MACROD2: variants seen among roughly 807,000 people sequenced by gnomAD.
MACROD2 encodes ADP-ribose glycohydrolase MACROD2.
In MACROD2, 36 loss-of-function variants were observed where a neutral mutation model predicts 70.4. The observed-to-expected ratio is 0.51, with a 90% CI of 0.39 to 0.68. The LOEUF is 0.68. Ranked by LOEUF, MACROD2 falls within the 30% of genes least tolerant of loss-of-function variation. The pLI is 0.00. For synonymous variants in MACROD2, 172 were observed against 178.8 expected (o/e 0.96, Z 0.30); for missense variants, 496 against 538.4 (o/e 0.92, Z 0.78).
intron 5 of MACROD2, among the ~76,000 whole-genome samples, chr20:15,038,991 G>A (rs907117024): frequency 5.9e-5 from 9 of 152,300 alleles, no homozygotes; most frequent in African/African-American, 1.9e-4. Context: ...GGGCAAAGAA[G>A]TGATACTTTT....
intron 4 of MACROD2, among the ~76,000 whole-genome samples, chr20:14,513,716 C>A (rs1487031275): frequency 6.6e-6 from 1 of 151,994 alleles, no homozygotes; most frequent in Non-Finnish European, 1.5e-5. Flanking sequence ...GTTTAGATGG[C>A]TCCCATATGA....
chr20:15,184,309 CT>C (rs2076520296), intron 5 of MACROD2, among the ~76,000 whole-genome samples: 1 of 152,144 alleles, frequency 6.6e-6, no homozygotes, highest in South Asian at 2.1e-4. Flanking sequence ...GTAAATCTAA[CT>C]CATGTCATCC....
At chr20:14,372,629 G>GT (rs1237315994) in intron 3 of MACROD2, among the ~76,000 whole-genome samples, 1 of 151,978 alleles carries the variant, frequency 6.6e-6, no homozygotes, top group Non-Finnish European at 1.5e-5. Flanking sequence ...TCCTCTCACC[G>GT]TTACCCCCAG....
Position 15,986,749 on chromosome 20 carries a change from G to T in MACROD2, c.1008G>T (p.Lys336Asn). The stretch of plus-strand genomic sequence containing the variant: ...CAGGACAAGAGAATGATTCAACGAA[G>T]AATGAAATAAAAATTGAAACAGAAT... Reference protein sequence around the residue: ...HPDGQENDSTKNEIKIETESQ... With the variant: ...HPDGQENDSTNNEIKIETESQ... The change falls in exon 14 of 18, where the codon AAG becomes AAT. Residue 336 changes from lysine (K) to asparagine (N), a missense_variant. Physicochemically the swap from Lys to Asn is moderately conservative, Grantham distance 94. Coordinates refer to ENST00000684519, the MANE Select transcript of MACROD2 (RefSeq NM_001351661.2). 4 of 1,613,344 alleles carry T rather than the reference G, an allele frequency of 2.5e-6. No homozygotes were observed. The highest frequency in any genetic ancestry group is 3.4e-6 in the Non-Finnish European group (4 of 1,179,376).
chr20:15,621,551 C>G (rs1011874455), intron 8 of MACROD2, among the ~76,000 whole-genome samples: 2 of 152,178 alleles, frequency 1.3e-5, no homozygotes, highest in Non-Finnish European at 2.9e-5. Context: ...CAATTAATTT[C>G]TCTCCAGATG....
chr20:15,901,864 T>C (rs1316403005), intron 10 of MACROD2, among the ~76,000 whole-genome samples: 1 of 152,210 alleles, frequency 6.6e-6, no homozygotes, highest in Non-Finnish European at 1.5e-5. Context: ...TTGGTCCTCA[T>C]GGTCCCTTGA....
chr20:15,786,397 A>G (rs2051928051), intron 8 of MACROD2, among the ~76,000 whole-genome samples: 1 of 152,214 alleles, frequency 6.6e-6, no homozygotes, highest in African/African-American at 2.4e-5. Flanking sequence ...AAGGCATTAT[A>G]ATATTGAAGT....
chr20:14,002,453 A>G (rs763984840), intron 2 of MACROD2, 49 bp downstream of exon 2: 4 of 1,096,618 alleles, frequency 3.6e-6, no homozygotes, highest in Non-Finnish European at 5.4e-6. Context: ...CCATTTTAGG[A>G]CAATTGTTGA....
intron 15 of MACROD2, among the ~76,000 whole-genome samples, chr20:16,002,565 T>G (rs796349121): frequency 5.9e-5 from 9 of 152,244 alleles, no homozygotes; most frequent in African/African-American, 2.2e-4. Context: ...CATGCTATGC[T>G]GCTGGCTTTG....
At chr20:15,163,848 G>A (rs540516293) in intron 5 of MACROD2, among the ~76,000 whole-genome samples, 16 of 152,104 alleles carry the variant, frequency 1.1e-4, no homozygotes, top group African/African-American at 3.6e-4. Flanking sequence ...AAAGTCCAAT[G>A]TATTTCATAT....
rs371242430 is a variant in MACROD2, at chr20:15,866,403, T to TATAA, written c.727+3597_727+3600dup. On this transcript the variant is annotated intron_variant, in intron 9 of 17. Coordinates refer to ENST00000684519, the MANE Select transcript of MACROD2 (RefSeq NM_001351661.2). Reference sequence around the variant, plus strand: ...GAAGCAAGACCCCATCTCTAAAAAATATAAATAAATAAATAAATAAATATT... The same window carrying TATAA: ...GAAGCAAGACCCCATCTCTAAAAAATATAAATAAATAAATAAATAAATAAATATT... 7.6e-3 allele frequency among the ~76,000 whole-genome samples: 1,127 copies of TATAA among 148,632 alleles called. 14 individuals are homozygous for TATAA. The highest frequency in any genetic ancestry group is 0.025 in the African/African-American group (1,025 of 40,316).
chr20:15,207,057 T>G (rs2076714996), intron 5 of MACROD2, among the ~76,000 whole-genome samples: 1 of 152,162 alleles, frequency 6.6e-6, no homozygotes. Flanking sequence ...TGTTGTCACA[T>G]GTATCAATGT....
At chr20:15,607,202 A>C (rs551325083) in intron 8 of MACROD2, among the ~76,000 whole-genome samples, 2 of 152,202 alleles carry the variant, frequency 1.3e-5, no homozygotes, top group Non-Finnish European at 2.9e-5. Flanking sequence ...CTGAAATAAC[A>C]TGTCAGAGGC....
intron 8 of MACROD2, among the ~76,000 whole-genome samples, chr20:15,533,588 A>C (rs932421322): frequency 4.2e-5 from 6 of 142,928 alleles, no homozygotes; most frequent in African/African-American, 1.3e-4. Flanking sequence ...TCTCTTTTTA[A>C]GAAGAAACTC....
chr20:14,090,435 C>T (rs1379468979), intron 3 of MACROD2, among the ~76,000 whole-genome samples: 5 of 151,834 alleles, frequency 3.3e-5, no homozygotes, highest in African/African-American at 1.2e-4. Flanking sequence ...TAGCTGGGCA[C>T]GGTGGCAGGT....
chr20:15,108,835 T>C (rs2075931836), intron 5 of MACROD2, among the ~76,000 whole-genome samples: 1 of 152,152 alleles, frequency 6.6e-6, no homozygotes, highest in Non-Finnish European at 1.5e-5. Context: ...GTCTGTAAGA[T>C]AGGGCAGAGG....
chr20:15,675,995 C>T (rs1385687541), intron 8 of MACROD2, among the ~76,000 whole-genome samples: 1 of 152,162 alleles, frequency 6.6e-6, no homozygotes, highest in South Asian at 2.1e-4. Flanking sequence ...TATCTCCTTT[C>T]TTGTGTATCA....
intron 8 of MACROD2, among the ~76,000 whole-genome samples, chr20:15,745,581 A>G (rs16996452): frequency 0.014 from 2,126 of 152,086 alleles, 51 homozygotes; most frequent in East Asian, 0.12. Context: ...TTTCTTCTGG[A>G]TGTTTTTGAA....
intron 15 of MACROD2, among the ~76,000 whole-genome samples, chr20:16,002,042 T>TTATATA (rs933156808): frequency 4.6e-5 from 4 of 86,094 alleles, no homozygotes; most frequent in African/African-American, 1.2e-4. Context: ...ATAATGTGTC[T>TTATATA]TATATATATA....
Sources: gnomAD v4.1 joint callset for allele counts (sites outside exome capture counted in the v4.1 genomes callset) on GRCh38, gnomAD v4.1.1 for gene constraint, MANE v1.5 for transcripts, NCBI Gene and HGNC (gene_info 2026-07-23, HGNC 2026-07-21) for gene names.